The following ZNF280D variants were observed in gnomAD, a reference collection of about 807,000 sequenced individuals.
The protein encoded by ZNF280D is zinc finger protein 280D, also known as suppressor of hairy wing homolog 4.
A neutral mutation model predicts 94.7 loss-of-function variants in ZNF280D; 39 were observed. That is an observed-to-expected ratio of 0.41 (90% CI 0.32 to 0.54). The LOEUF (loss-of-function observed/expected upper bound fraction) is 0.54, where lower values mean the gene tolerates loss of function less well. Among genes scored for constraint, ZNF280D ranks in the 20% least tolerant of loss-of-function variants. The pLI is 0.22. For synonymous variants in ZNF280D, 398 were observed against 377.6 expected (o/e 1.05, Z -0.63); for missense variants, 1,090 against 1,149.3 (o/e 0.95, Z 0.75).
intron 19 of ZNF280D, among the ~76,000 whole-genome samples, chr15:56,651,098 A>T (rs1465638809): frequency 6.6e-6 from 1 of 152,236 alleles, no homozygotes; most frequent in Non-Finnish European, 1.5e-5. Flanking sequence ...ATTTCTAGAA[A>T]CTAGGACAAT....
intron 19 of ZNF280D, among the ~76,000 whole-genome samples, chr15:56,649,146 G>T (rs1261407889): frequency 6.6e-6 from 1 of 152,100 alleles, no homozygotes; most frequent in Admixed American, 6.6e-5. Flanking sequence ...AGATTTTAAT[G>T]ACAGTCTAGG....
chr15:56,713,893 T>A (rs1048138703), intron 1 of ZNF280D, among the ~76,000 whole-genome samples: 13 of 152,160 alleles, frequency 8.5e-5, no homozygotes, highest in Non-Finnish European at 1.8e-4. Flanking sequence ...TGATGATACC[T>A]ACTTTGGCAC....
chr15:56,704,389 A>C, intron 3 of ZNF280D, 122 bp from the exon 4 acceptor site: 3 of 939,538 alleles, frequency 3.2e-6, no homozygotes, highest in Non-Finnish European at 3.2e-6. Flanking sequence ...TTCTGAATTG[A>C]TATTTGTAGT....
rs1366312718 is a variant in ZNF280D at position 56,666,496 on chromosome 15, G to A, written c.1893C>T (p.Ser631=). ...AGTGGTTTGCAAAATCTTTTATTTC[G>A]GAACAACACTCAATGCATTTGTGAA... ...RGIHKCIECC[S]EIKDFANHFP... is the part of the protein sequence containing the mutation. Residue 631 remains serine (S), a synonymous_variant, in exon 16 of 22, where the codon TCC becomes TCT. Transcript: ENST00000267807. 2 of 1,600,760 alleles carry A rather than the reference G, an allele frequency of 1.2e-6. No homozygotes were observed. Among genetic ancestry groups the A allele is most frequent in the Non-Finnish European group, 1.7e-6 (2 of 1,176,330 alleles).
At chr15:56,689,233 A>G in intron 8 of ZNF280D, 67 bp downstream of exon 8, 1 of 1,549,310 alleles carries the variant, frequency 6.5e-7, no homozygotes, top group Non-Finnish European at 8.7e-7. Flanking sequence ...TTTAAAATTT[A>G]TAGCCACTTC....
At chr15:56,714,608 GC>G (rs1325210433) in intron 1 of ZNF280D, among the ~76,000 whole-genome samples, 1 of 152,134 alleles carries the variant, frequency 6.6e-6, no homozygotes, top group Non-Finnish European at 1.5e-5. Context: ...GGAAGAGGCT[GC>G]TCTTTCCAAG....
chr15:56,642,147 A>G (rs116967689), intron 20 of ZNF280D, among the ~76,000 whole-genome samples: 5,517 of 151,704 alleles, frequency 0.036, 346 homozygotes, highest in Admixed American at 0.16. Flanking sequence ...ACAAACTACC[A>G]AAACTCCCTC....
chr15:56,722,671 G>A (rs1313840125), intron 1 of ZNF280D, among the ~76,000 whole-genome samples: 5 of 152,140 alleles, frequency 3.3e-5, no homozygotes, highest in African/African-American at 7.2e-5. Context: ...TCAGTGTGGC[G>A]ATTCCTCAAG....
chr15:56,728,587 G>A (rs1381880387), intron 1 of ZNF280D, among the ~76,000 whole-genome samples: 2 of 152,256 alleles, frequency 1.3e-5, no homozygotes, highest in South Asian at 2.1e-4. Context: ...AACCCAGAAG[G>A]AATGACAAGC....
chr15:56,632,441 T>C (rs1293385249), intron 21 of ZNF280D, among the ~76,000 whole-genome samples: 1 of 151,782 alleles, frequency 6.6e-6, no homozygotes, highest in Admixed American at 6.6e-5. Context: ...TATTAACTTG[T>C]AAAAGTACCT....
chr15:56,673,436 A>T (rs1189305556), intron 13 of ZNF280D, among the ~76,000 whole-genome samples: 2 of 152,036 alleles, frequency 1.3e-5, no homozygotes, highest in Admixed American at 1.3e-4. Flanking sequence ...AACCATTCAT[A>T]ATCTTTCCAC....
At position 56,699,370 on chromosome 15, in the gene ZNF280D, A is replaced by G. The variant is rs568621896; in HGVS notation, c.381+1563T>C. 6 of 936,222 alleles carry G rather than the reference A, an allele frequency of 6.4e-6. No individual in the cohort carries two copies. The South Asian group carries it at 3.0e-4, about 46-fold the overall frequency. The allele number at this position is 936,222 out of a possible 1,614,324, so 58.0% of individuals were successfully genotyped here. A position where few individuals can be genotyped will look rare whatever the true frequency, so the allele number is the denominator to read the frequency against. Reference sequence around the variant, plus strand: ...ATCAAAATCACTAAATTCTTTAATAACTAACTTTATTATTCCTAAAATATA... The same window carrying G: ...ATCAAAATCACTAAATTCTTTAATAGCTAACTTTATTATTCCTAAAATATA... On this transcript the variant is annotated intron_variant, in intron 6 of 21. Coordinates refer to ENST00000267807, the MANE Select transcript of ZNF280D (RefSeq NM_017661.4).
intron 1 of ZNF280D, among the ~76,000 whole-genome samples, 169 bp downstream of exon 1, chr15:56,733,289 G>A (rs2058994971): frequency 6.6e-6 from 1 of 152,046 alleles, no homozygotes; most frequent in African/African-American, 2.4e-5. Context: ...ATGGCGGTCC[G>A]GCCGCCGCCG....
intron 16 of ZNF280D, among the ~76,000 whole-genome samples, chr15:56,664,402 T>A (rs1417248042): frequency 1.3e-5 from 2 of 152,000 alleles, no homozygotes; most frequent in African/African-American, 4.8e-5. Flanking sequence ...AGGAACCATA[T>A]AGAGAGAAAG....
chr15:56,673,107 T>C (rs1427347481), intron 13 of ZNF280D, among the ~76,000 whole-genome samples: 3 of 152,072 alleles, frequency 2.0e-5, no homozygotes, highest in African/African-American at 7.2e-5. Flanking sequence ...AGAAATCTTT[T>C]CTCTATCTAT....
chr15:56,732,815 A>G (rs986397222), intron 1 of ZNF280D: 5 of 152,172 alleles, frequency 3.3e-5, no homozygotes, highest in African/African-American at 1.2e-4. Flanking sequence ...CAGTAAGTGA[A>G]CCTTGCAAAG....
At chr15:56,700,815 T>A in intron 6 of ZNF280D, 118 bp downstream of exon 6, 1 of 1,578,940 alleles carries the variant, frequency 6.3e-7, no homozygotes, top group Non-Finnish European at 8.6e-7. Flanking sequence ...TGATGCTAAC[T>A]ATGCTTCTAC....
At chr15:56,655,769 A>G (rs1383597358) in intron 17 of ZNF280D, among the ~76,000 whole-genome samples, 1 of 152,268 alleles carries the variant, frequency 6.6e-6, no homozygotes, top group Non-Finnish European at 1.5e-5. Context: ...TAAAAATACT[A>G]AAATGCTTCA....
Position 56,689,285 on chromosome 15 carries a change from A to G in ZNF280D, c.670+15T>C, listed in dbSNP as rs1596508849. ...ATACTATAACTTCTTTTTATGTACC[A>G]CATTTCATATTTACCTTTTGCTAGC... On this transcript the variant is annotated intron_variant, in intron 8 of 21. Transcript: ENST00000267807. 6.3e-7 allele frequency: 1 copy of G among 1,588,674 alleles called. No individual in the cohort carries two copies. The highest frequency in any genetic ancestry group is 1.2e-5 in the South Asian group (1 of 84,946).
Sources: gnomAD v4.1 joint callset for allele counts (sites outside exome capture counted in the v4.1 genomes callset) on GRCh38, gnomAD v4.1.1 for gene constraint, MANE v1.5 for transcripts, NCBI Gene and HGNC (gene_info 2026-07-23, HGNC 2026-07-21) for gene names.